The following MARCHF11 variants were observed in gnomAD, a reference collection of about 807,000 sequenced individuals.
The protein encoded by MARCHF11 is membrane associated ring-CH-type finger 11, also known as E3 ubiquitin-protein ligase MARCHF11.
A neutral mutation model predicts 37.3 loss-of-function variants in MARCHF11; 29 were observed. That is an observed-to-expected ratio of 0.78 (90% CI 0.58 to 1.06). The LOEUF (loss-of-function observed/expected upper bound fraction) is 1.06. Ranked by LOEUF, MARCHF11 falls within the 50% of genes least tolerant of loss-of-function variation. The probability of loss-of-function intolerance (pLI) is 0.00; values close to 1 mark genes in which losing one functional copy is unlikely to be tolerated. For synonymous variants in MARCHF11, 233 were observed against 228.0 expected (o/e 1.02, Z -0.20); for missense variants, 482 against 533.4 (o/e 0.90, Z 0.95).
intron 2 of MARCHF11, among the ~76,000 whole-genome samples, chr5:16,122,108 C>A (rs1202848457): frequency 2.0e-5 from 3 of 152,096 alleles, no homozygotes; most frequent in African/African-American, 7.2e-5. Flanking sequence ...TCTCTGACAC[C>A]CCTACCCTTT....
chr5:16,158,869 C>G (rs755475187), intron 2 of MARCHF11, among the ~76,000 whole-genome samples: 16 of 151,824 alleles, frequency 1.1e-4, no homozygotes, highest in Non-Finnish European at 1.6e-4. Flanking sequence ...CCGCACCCCT[C>G]GACAGGCCCC....
At chr5:16,086,536 A>G (rs1736701554) in intron 3 of MARCHF11, among the ~76,000 whole-genome samples, 1 of 152,232 alleles carries the variant, frequency 6.6e-6, no homozygotes, top group South Asian at 2.1e-4. Context: ...AAACATTTCC[A>G]GACTTGGATT....
intron 2 of MARCHF11, among the ~76,000 whole-genome samples, chr5:16,165,917 T>C (rs1217991667): frequency 2.0e-5 from 3 of 152,076 alleles, no homozygotes; most frequent in African/African-American, 7.2e-5. Context: ...GGAGATTATA[T>C]ACATAAATTA....
chr5:16,160,328 TA>T (rs61131990), intron 2 of MARCHF11, among the ~76,000 whole-genome samples: 133,791 of 144,900 alleles, frequency 0.92, 62,488 homozygotes, highest in Non-Finnish European at 0.99. Context: ...AAACATTTAA[TA>T]ATTTAATATA....
At chr5:16,142,309 G>A (rs142112990) in intron 2 of MARCHF11, among the ~76,000 whole-genome samples, 118 of 152,248 alleles carry the variant, frequency 7.8e-4, no homozygotes, top group Middle Eastern at 6.8e-3. Context: ...TTCCACCTAG[G>A]ACCTATGTCC....
intron 2 of MARCHF11, among the ~76,000 whole-genome samples, chr5:16,114,784 C>A (rs1409462671): frequency 6.6e-6 from 1 of 151,990 alleles, no homozygotes; most frequent in Non-Finnish European, 1.5e-5. Context: ...GCCATCATGC[C>A]TGGCCAGCAG....
In MARCHF11 at chr5:16,101,375, C is replaced by CA. The variant is rs200730565; in HGVS notation, c.694-10295dup. Among the ~76,000 whole-genome samples the CA allele has an allele frequency of 7.4e-3, 1,105 of 148,872 alleles. 8 individuals are homozygous for CA. Among genetic ancestry groups the CA allele is most frequent in the African/African-American group, 0.025 (1,022 of 40,684 alleles). Reference sequence around the variant, plus strand: ...TGGGCAACAGAGCGAGACTCCATCTCAAAAAAAAAATGCATTTTAGCTTTT... The same window carrying CA: ...TGGGCAACAGAGCGAGACTCCATCTCAAAAAAAAAAATGCATTTTAGCTTTT... On this transcript the variant is annotated intron_variant, in intron 2 of 3. Transcript: ENST00000332432.
At chr5:16,094,068 C>A (rs982816984) in intron 2 of MARCHF11, among the ~76,000 whole-genome samples, 10 of 152,126 alleles carry the variant, frequency 6.6e-5, no homozygotes, top group African/African-American at 2.4e-4. Flanking sequence ...ATTACTGAAA[C>A]CAAAATTACT....
chr5:16,086,146 G>C (rs1279440505), intron 3 of MARCHF11, among the ~76,000 whole-genome samples: 2 of 151,968 alleles, frequency 1.3e-5, no homozygotes, highest in Non-Finnish European at 2.9e-5. Flanking sequence ...TGTCATAACA[G>C]GGAAAGATCT....
chr5:16,137,870 G>A (rs1271574599), intron 2 of MARCHF11, among the ~76,000 whole-genome samples: 2 of 152,162 alleles, frequency 1.3e-5, no homozygotes, highest in Non-Finnish European at 2.9e-5. Context: ...AGGGTATCTG[G>A]CAGAAGAAAT....
intron 2 of MARCHF11, among the ~76,000 whole-genome samples, chr5:16,160,326 A>G (rs955365474): frequency 1.6e-4 from 3 of 18,684 alleles, no homozygotes; most frequent in Non-Finnish European, 1.7e-3. Context: ...ATAAACATTT[A>G]ATAATTTAAT....
intron 3 of MARCHF11, among the ~76,000 whole-genome samples, chr5:16,079,199 T>C (rs1344721185): frequency 6.6e-6 from 1 of 152,192 alleles, no homozygotes; most frequent in African/African-American, 2.4e-5. Flanking sequence ...GGCCTTGCTC[T>C]TCCAGAAACC....
intron 2 of MARCHF11, among the ~76,000 whole-genome samples, chr5:16,108,577 T>G (rs908910334): frequency 1.3e-5 from 2 of 151,814 alleles, no homozygotes; most frequent in African/African-American, 4.8e-5. Context: ...CAGGCTCACA[T>G]AGAGAAAAGA....
At chr5:16,151,123 G>A (rs1314912910) in intron 2 of MARCHF11, among the ~76,000 whole-genome samples, 1 of 152,028 alleles carries the variant, frequency 6.6e-6, no homozygotes, top group Non-Finnish European at 1.5e-5. Context: ...TACTAAGAGA[G>A]GTTAGAGCAT....
chr5:16,102,720 G>A (rs1367082587), intron 2 of MARCHF11, among the ~76,000 whole-genome samples: 1 of 152,074 alleles, frequency 6.6e-6, no homozygotes, highest in Non-Finnish European at 1.5e-5. Flanking sequence ...TTCCTCTTGG[G>A]CACTGGACAA....
At chr5:16,094,229 C>A (rs1736827429) in intron 2 of MARCHF11, among the ~76,000 whole-genome samples, 1 of 152,136 alleles carries the variant, frequency 6.6e-6, no homozygotes, top group Non-Finnish European at 1.5e-5. Context: ...AATAATTCTG[C>A]CTTCGACCAG....
chr5:16,085,802 A>G (rs1436450082), intron 3 of MARCHF11, among the ~76,000 whole-genome samples: 2 of 151,694 alleles, frequency 1.3e-5, no homozygotes, highest in African/African-American at 4.8e-5. Flanking sequence ...AATACAAAAA[A>G]TTAGGTGGGC....
At chr5:16,086,140 A>G (rs1736695106) in intron 3 of MARCHF11, among the ~76,000 whole-genome samples, 1 of 152,144 alleles carries the variant, frequency 6.6e-6, no homozygotes, top group Non-Finnish European at 1.5e-5. Flanking sequence ...TACATCTGTC[A>G]TAACAGGGAA....
At chr5:16,128,445 T>A (rs1306662214) in intron 2 of MARCHF11, among the ~76,000 whole-genome samples, 1 of 152,140 alleles carries the variant, frequency 6.6e-6, no homozygotes, top group African/African-American at 2.4e-5. Flanking sequence ...GCTGAGGAGC[T>A]ATCAACTGCC....
Sources: allele counts gnomAD v4.1 joint callset (sites outside exome capture counted in the v4.1 genomes callset), GRCh38; gene constraint gnomAD v4.1.1; transcripts MANE v1.5; gene names NCBI Gene and HGNC (gene_info 2026-07-23, HGNC 2026-07-21).